Variants in SLC7A2 observed in about 807,000 individuals in gnomAD.
SLC7A2 encodes the protein cationic amino acid transporter 2.
Under a neutral mutation model 58.9 loss-of-function variants are expected in SLC7A2, and 48 were observed. The ratio of observed to expected loss-of-function variants is 0.82; its 90% CI spans 0.65 to 1.04. The LOEUF is 1.04. Ranked by LOEUF, SLC7A2 falls within the 50% of genes least tolerant of loss-of-function variation. The pLI, the probability that SLC7A2 is intolerant of heterozygous loss-of-function variation, is 0.00. For missense variants in SLC7A2, 1,029 were observed against 818.8 expected (o/e 1.26, Z -3.13); for synonymous variants, 363 against 314.5 (o/e 1.15, Z -1.63).
chr8:17,563,678 A>T lies in SLC7A2; in HGVS notation c.1747A>T (p.Thr583Ser). ...CTTGATGGTCCAGTTAAGTGCAGAC[A>T]CTTGGGTCAGATTCAGCATTTGGAT... ...IYLMVQLSADTWVRFSIWMAI... is the reference protein window; with the variant it reads ...IYLMVQLSADSWVRFSIWMAI... The change falls in exon 12 of 13, where the codon ACT (threonine) becomes TCT (serine). Residue 583 changes from threonine (T) to serine (S), a missense_variant. Transcript: ENST00000494857. The T allele has an allele frequency of 6.2e-7, 1 of 1,612,472 alleles. No individual in the cohort carries two copies. Among genetic ancestry groups the T allele is most frequent in the Non-Finnish European group, 8.5e-7 (1 of 1,178,700 alleles).
Position 17,560,398 on chromosome 8 carries a change from A to G in SLC7A2, c.1369A>G (p.Arg457Gly), listed in dbSNP as rs778345324. Residue 457 changes from arginine (R) to glycine (G), a missense_variant, in exon 10 of 13, where the codon AGG (arginine) becomes GGG (glycine). Physicochemically the swap from Arg to Gly is moderately radical, Grantham distance 125. Coordinates refer to ENST00000494857, the MANE Select transcript of SLC7A2 (RefSeq NM_001370338.1). ...GAAAGATGGTCTGGGATCGTCTCCCAGGGTAACCTCGAAGAGTGAGTCCCA... is the reference window on the plus strand; with the variant it reads ...GAAAGATGGTCTGGGATCGTCTCCCGGGGTAACCTCGAAGAGTGAGTCCCA... ...PEKDGLGSSP[R>G]VTSKSESQVT... 64 of 1,614,036 alleles carry G rather than the reference A, an allele frequency of 4.0e-5. No individual in the cohort carries two copies. Among genetic ancestry groups the G allele is most frequent in the Non-Finnish European group, 5.3e-5 (63 of 1,180,016 alleles).
chr8:17,538,578 T>A (rs933942517), intron 2 of SLC7A2, among the ~76,000 whole-genome samples: 1 of 152,204 alleles, frequency 6.6e-6, no homozygotes, highest in Non-Finnish European at 1.5e-5. Flanking sequence ...AGTCAATAAA[T>A]CCATGGTATC....
At chr8:17,505,563 C>G (rs1800331623) in intron 2 of SLC7A2, among the ~76,000 whole-genome samples, 1 of 152,146 alleles carries the variant, frequency 6.6e-6, no homozygotes, top group Admixed American at 6.5e-5. Context: ...TTTCTTTCCT[C>G]CAGATTCTTA....
In SLC7A2 at chr8:17,558,290, C is replaced by A. The variant is rs762304387; in HGVS notation, c.1196-5C>A. On this transcript the variant is annotated splice_region_variant and splice_polypyrimidine_tract_variant and intron_variant, in intron 8 of 12. Transcript: ENST00000494857. ...TACTTCACCGTTCTTTTCTTCTCCC[C>A]CTAGCTTTGATGGCCTTTCTGTTTG... 2.5e-6 allele frequency: 4 copies of A among 1,603,188 alleles called. No homozygotes were observed. Among genetic ancestry groups the A allele is most frequent in the Non-Finnish European group, 3.4e-6 (4 of 1,170,546 alleles).
intron 2 of SLC7A2, among the ~76,000 whole-genome samples, chr8:17,503,176 G>C (rs551437981): frequency 6.6e-6 from 1 of 151,638 alleles, no homozygotes; most frequent in South Asian, 2.1e-4. Flanking sequence ...TCAGCCTCCC[G>C]AGTAGCTGGG....
chr8:17,512,923 A>G (rs972166750), intron 2 of SLC7A2, among the ~76,000 whole-genome samples: 4 of 152,168 alleles, frequency 2.6e-5, no homozygotes, highest in Middle Eastern at 3.2e-3. Context: ...TTCACTGAAC[A>G]TGATGTTCTC....
intron 2 of SLC7A2, among the ~76,000 whole-genome samples, chr8:17,511,811 C>G (rs1424998952): frequency 6.6e-6 from 1 of 152,132 alleles, no homozygotes; most frequent in Non-Finnish European, 1.5e-5. Context: ...AATTTAGACT[C>G]TGAAAGTTAA....
intron 2 of SLC7A2, among the ~76,000 whole-genome samples, chr8:17,507,406 G>T (rs999976374): frequency 1.2e-4 from 18 of 152,052 alleles, no homozygotes; most frequent in African/African-American, 4.1e-4. Context: ...GGAGACGGGG[G>T]TCTCACTGTG....
intron 1 of SLC7A2, among the ~76,000 whole-genome samples, chr8:17,497,497 C>G (rs1339169674): frequency 2.0e-5 from 3 of 152,302 alleles, no homozygotes; most frequent in African/African-American, 4.8e-5. Context: ...CCGGAATGCG[C>G]CTCGCCTCGT....
chr8:17,538,708 C>A (rs1416763471), intron 2 of SLC7A2: 3 of 1,235,746 alleles, frequency 2.4e-6, no homozygotes, highest in Non-Finnish European at 2.2e-6. Flanking sequence ...TAAAAAAGAT[C>A]TAGGGCAAAA....
Position 17,554,625 on chromosome 8 carries a change from T to G in SLC7A2, c.1121T>G (p.Phe374Cys), listed in dbSNP as rs373268284. The G allele has an allele frequency of 3.4e-5, 55 of 1,613,502 alleles. No individual in the cohort carries two copies. Among genetic ancestry groups the G allele is most frequent in the Non-Finnish European group, 4.5e-5 (53 of 1,179,916 alleles). ...IYAMAEDGLL[F>C]KCLAQINSKT... ...GCTATGGCGGAGGATGGGTTGCTTT[T>G]CAAATGTCTAGCTCAAATCAATTCC... Residue 374 changes from phenylalanine (F) to cysteine (C), a missense_variant, in exon 8 of 13, where the codon TTC becomes TGC. Phe to Cys is a radical substitution (Grantham distance 205, BLOSUM62 -2). Transcript: ENST00000494857.
At chr8:17,532,244 A>C (rs1203436542) in intron 2 of SLC7A2, among the ~76,000 whole-genome samples, 12 of 123,830 alleles carry the variant, frequency 9.7e-5, no homozygotes, top group Admixed American at 3.8e-4. Flanking sequence ...AAAAAAAAAA[A>C]AAAAAAAAAA....
chr8:17,542,863 G>T (rs1183067289), intron 2 of SLC7A2, among the ~76,000 whole-genome samples: 1 of 151,816 alleles, frequency 6.6e-6, no homozygotes, highest in Non-Finnish European at 1.5e-5. Context: ...TCCGGAGGCT[G>T]AGGTGGGAGG....
intron 5 of SLC7A2, among the ~76,000 whole-genome samples, chr8:17,549,046 A>G (rs1049164977): frequency 1.3e-5 from 2 of 152,224 alleles, no homozygotes; most frequent in Non-Finnish European, 2.9e-5. Flanking sequence ...CATGTCTCAC[A>G]TGGTGGCAGA....
intron 4 of SLC7A2, among the ~76,000 whole-genome samples, chr8:17,547,311 C>T (rs893014407): frequency 9.2e-5 from 14 of 152,182 alleles, no homozygotes; most frequent in African/African-American, 3.4e-4. Context: ...CATCAGATCT[C>T]ATGAGGTGTA....
intron 7 of SLC7A2, among the ~76,000 whole-genome samples, chr8:17,554,252 A>G (rs2150762229): frequency 6.6e-6 from 1 of 152,242 alleles, no homozygotes; most frequent in South Asian, 2.1e-4. Flanking sequence ...AGTCTTAATT[A>G]TTTAGTTTTA....
intron 2 of SLC7A2, among the ~76,000 whole-genome samples, chr8:17,530,154 T>C (rs1374026857): frequency 6.6e-6 from 1 of 152,108 alleles, no homozygotes; most frequent in Non-Finnish European, 1.5e-5. Flanking sequence ...CCTGGTTTCT[T>C]AGCTTTAATT....
At chr8:17,558,470 T>C (rs1802813271) in intron 9 of SLC7A2, 73 bp downstream of exon 9, 2 of 907,630 alleles carry the variant, frequency 2.2e-6, no homozygotes, top group African/African-American at 3.3e-5. Flanking sequence ...GAGCCCTCAC[T>C]CTCCTGGCTT....
chr8:17,562,162 A>G (rs373555746), intron 11 of SLC7A2, 52 bp downstream of exon 11: 11 of 933,904 alleles, frequency 1.2e-5, no homozygotes, highest in Non-Finnish European at 1.6e-5. Flanking sequence ...TTTTCTCTGT[A>G]TAATTAGTTT....
Sources: gnomAD v4.1 joint callset for allele counts (sites outside exome capture counted in the v4.1 genomes callset) on GRCh38, gnomAD v4.1.1 for gene constraint, MANE v1.5 for transcripts, NCBI Gene and HGNC (gene_info 2026-07-23, HGNC 2026-07-21) for gene names.